CELF2: variants seen among roughly 807,000 people sequenced by gnomAD.
CELF2 encodes CUGBP Elav-like family member 2, also known as CUG triplet repeat RNA-binding protein 2.
Under a neutral mutation model 62.6 loss-of-function variants are expected in CELF2, and 8 were observed. The observed-to-expected ratio is 0.13, with a 90% CI of 0.07 to 0.23. The LOEUF (loss-of-function observed/expected upper bound fraction) is 0.23. Ranked by LOEUF, CELF2 falls within the 10% of genes least tolerant of loss-of-function variation. CELF2 has a pLI of 1.00. For synonymous variants in CELF2, 258 were observed against 250.0 expected (o/e 1.03, Z -0.30); for missense variants, 333 against 671.0 (o/e 0.50, Z 5.56).
At chr10:10,935,830 T>G (rs967908542) in intron 2 of CELF2, among the ~76,000 whole-genome samples, 2 of 152,158 alleles carry the variant, frequency 1.3e-5, no homozygotes, top group African/African-American at 4.8e-5. Flanking sequence ...TTCTCTGATA[T>G]GCATGTGCCT....
At chr10:10,981,212 G>C (rs1296417882) in intron 2 of CELF2, among the ~76,000 whole-genome samples, 1 of 152,206 alleles carries the variant, frequency 6.6e-6, no homozygotes, top group Non-Finnish European at 1.5e-5. Flanking sequence ...AGAGACTTCT[G>C]TTAAGTACCT....
intron 2 of CELF2, among the ~76,000 whole-genome samples, chr10:11,216,404 A>G: frequency 6.6e-6 from 1 of 152,206 alleles, no homozygotes; most frequent in East Asian, 1.9e-4. Flanking sequence ...TAAAATACAT[A>G]CAGTCTTGGT....
At chr10:10,478,741 CT>C in the CELF2 span, among the ~76,000 whole-genome samples, 1 of 152,144 alleles carries the variant, frequency 6.6e-6, no homozygotes, top group African/African-American at 2.4e-5. Flanking sequence ...TTGAATGGGT[CT>C]TTATTTGGCC....
At chr10:10,633,378 G>A in the CELF2 span, among the ~76,000 whole-genome samples, 1 of 152,120 alleles carries the variant, frequency 6.6e-6, no homozygotes, top group Admixed American at 6.5e-5. Flanking sequence ...GCTAGTCTCT[G>A]GGAGTAATAT....
chr10:10,465,885 A>C, the CELF2 span, among the ~76,000 whole-genome samples: 2 of 152,088 alleles, frequency 1.3e-5, no homozygotes, highest in African/African-American at 4.8e-5. Context: ...ATGTGTGGTT[A>C]TACCTGCCCC....
At chr10:11,216,188 T>C (rs2063321460) in intron 2 of CELF2, among the ~76,000 whole-genome samples, 1 of 152,226 alleles carries the variant, frequency 6.6e-6, no homozygotes, top group Non-Finnish European at 1.5e-5. Flanking sequence ...TTGTATATAT[T>C]GACTGTCAGT....
In CELF2 at chr10:11,046,189, C is replaced by T. The variant is rs138745428; in HGVS notation, c.74+28026C>T. Among the ~76,000 whole-genome samples, 22 of 152,296 alleles carry T rather than the reference C, an allele frequency of 1.4e-4. No individual in the cohort carries two copies. The highest frequency in any genetic ancestry group is 1.0e-3 in the Admixed American group (16 of 15,294). ...CCAGCGGTTCTCAAAATCACGGCACCGCTTGTCTAACAACACCGAACGCTG... is the reference window on the plus strand; with the variant it reads ...CCAGCGGTTCTCAAAATCACGGCACTGCTTGTCTAACAACACCGAACGCTG... On this transcript the variant is annotated intron_variant, in intron 1 of 12. Transcript: ENST00000633077. This position sits in a 1 kb window ranked among gnomAD's most constrained non-coding sequence, Gnocchi z 4.6.
intron 2 of CELF2, among the ~76,000 whole-genome samples, chr10:11,186,296 CTTT>C (rs57327671): frequency 1.8e-4 from 21 of 115,502 alleles, no homozygotes; most frequent in African/African-American, 6.1e-4. Context: ...GGTTTTGTTG[CTTT>C]TTTTTTTTTT....
At chr10:10,879,150 G>A (rs1281449482) in intron 1 of CELF2, among the ~76,000 whole-genome samples, 1 of 152,128 alleles carries the variant, frequency 6.6e-6, no homozygotes, top group Non-Finnish European at 1.5e-5. Flanking sequence ...AGCCTGCACG[G>A]CAGTGTACTT....
chr10:10,935,540 C>T (rs2066534485), intron 2 of CELF2: 3 of 152,150 alleles, frequency 2.0e-5, no homozygotes, highest in Admixed American at 2.0e-4. Context: ...GTTGTTGAGC[C>T]ACGAGGACTT....
the CELF2 span, among the ~76,000 whole-genome samples, chr10:10,783,019 CTGTAA>C: frequency 6.6e-6 from 1 of 152,134 alleles, no homozygotes; most frequent in African/African-American, 2.4e-5. Flanking sequence ...GTTTTATAGT[CTGTAA>C]AATCCTATAT....
At chr10:10,641,664 G>A in the CELF2 span, among the ~76,000 whole-genome samples, 5 of 152,050 alleles carry the variant, frequency 3.3e-5, no homozygotes, top group African/African-American at 7.2e-5. Context: ...GGCCAGGCTG[G>A]TCTCACACTC....
chr10:10,958,998 T>A (rs919539437), intron 2 of CELF2, among the ~76,000 whole-genome samples: 6 of 152,208 alleles, frequency 3.9e-5, no homozygotes, highest in African/African-American at 1.4e-4. Flanking sequence ...GGCTCACACC[T>A]GTAATCCCAG....
the CELF2 span, among the ~76,000 whole-genome samples, chr10:10,765,269 A>C: frequency 1.3e-5 from 2 of 152,212 alleles, no homozygotes; most frequent in East Asian, 3.9e-4. Flanking sequence ...GTCCCAAGGC[A>C]TCTCTTATTT....
the CELF2 span, among the ~76,000 whole-genome samples, chr10:10,672,285 G>A: frequency 5.3e-5 from 8 of 152,100 alleles, no homozygotes; most frequent in East Asian, 1.9e-4. Flanking sequence ...CAAGGTTCCC[G>A]CCATTTGTGT....
chr10:10,866,081 C>A (rs914106305), intron 1 of CELF2, among the ~76,000 whole-genome samples: 2 of 152,030 alleles, frequency 1.3e-5, no homozygotes, highest in African/African-American at 4.8e-5. Context: ...CAGGAAGAGC[C>A]GCGGCCTGTC....
chr10:10,562,560 G>A, the CELF2 span, among the ~76,000 whole-genome samples: 360 of 152,184 alleles, frequency 2.4e-3, 1 homozygote, highest in African/African-American at 8.4e-3. Flanking sequence ...TGAGCAGCCC[G>A]GCTCCGGAGC....
chr10:11,239,799 C>T (rs1158758626), intron 3 of CELF2, among the ~76,000 whole-genome samples: 1 of 152,100 alleles, frequency 6.6e-6, no homozygotes, highest in Admixed American at 6.5e-5. Context: ...TGGGTCGTGC[C>T]TGTAATCTCA....
chr10:10,792,801 T>A, the CELF2 span, among the ~76,000 whole-genome samples: 2 of 152,094 alleles, frequency 1.3e-5, no homozygotes, highest in Non-Finnish European at 2.9e-5. Flanking sequence ...AGCTCTTTTT[T>A]CCCCCCTACT....
Sources: gnomAD v4.1 joint callset for allele counts (sites outside exome capture counted in the v4.1 genomes callset) on GRCh38, gnomAD v4.1.1 for gene constraint, Gnocchi (gnomAD v3.1) non-coding constraint, MANE v1.5 for transcripts, NCBI Gene and HGNC (gene_info 2026-07-23, HGNC 2026-07-21) for gene names.